The following KCNC2 variants were observed in gnomAD, a reference collection of about 807,000 sequenced individuals.
The protein encoded by KCNC2 is potassium voltage-gated channel subfamily C member 2.
Under a neutral mutation model 44.5 loss-of-function variants are expected in KCNC2, and 21 were observed. That is an observed-to-expected ratio of 0.47 (90% CI 0.33 to 0.68). The LOEUF (loss-of-function observed/expected upper bound fraction) is 0.68, where lower values mean the gene tolerates loss of function less well. Among genes scored for constraint, KCNC2 ranks in the 30% least tolerant of loss-of-function variants. KCNC2 has a pLI of 0.01. For synonymous variants in KCNC2, 391 were observed against 339.1 expected (o/e 1.15, Z -1.68); for missense variants, 589 against 826.2 (o/e 0.71, Z 3.52).
chr12:75,064,578 A>G (rs1252674300), intron 2 of KCNC2, among the ~76,000 whole-genome samples: 1 of 152,028 alleles, frequency 6.6e-6, no homozygotes, highest in East Asian at 1.9e-4. Flanking sequence ...AAAATTGCAT[A>G]CTAATTATTT....
At chr12:75,091,281 C>A (rs1395548272) in intron 2 of KCNC2, among the ~76,000 whole-genome samples, 1 of 151,652 alleles carries the variant, frequency 6.6e-6, no homozygotes, top group South Asian at 2.1e-4. Flanking sequence ...TATTCTTCAA[C>A]TTTTTCTTTT....
intron 2 of KCNC2, among the ~76,000 whole-genome samples, chr12:75,080,004 G>T (rs1178590074): frequency 6.6e-6 from 1 of 152,078 alleles, no homozygotes; most frequent in Non-Finnish European, 1.5e-5. Flanking sequence ...TGACTGAGGG[G>T]GAAGAAGACT....
chr12:75,041,583 G>T lies in KCNC2; in HGVS notation c.*1522C>A. The stretch of plus-strand genomic sequence containing the variant: ...CTCACATGCTCAATACATGAGACAC[G>T]CTATTGCTGTTGAATTCATAGGAAT... On this transcript the variant is annotated 3_prime_UTR_variant, in exon 5 of 5. Transcript: ENST00000549446. 9.5e-7 allele frequency: 1 copy of T among 1,052,432 alleles called. No individual in the cohort carries two copies. The highest frequency in any genetic ancestry group is 1.2e-6 in the Non-Finnish European group (1 of 868,676). 65.2% of individuals were successfully genotyped at this position (1,052,432 alleles called of 1,614,324 possible). A position where few individuals can be genotyped will look rare whatever the true frequency, so the allele number is the denominator to read the frequency against.
chr12:75,152,924 T>G (rs1323011662), intron 2 of KCNC2, among the ~76,000 whole-genome samples: 1 of 151,978 alleles, frequency 6.6e-6, no homozygotes, highest in African/African-American at 2.4e-5. Context: ...AGAGGCGAAT[T>G]ATACAATGAC....
chr12:75,203,705 A>G (rs973944640), intron 2 of KCNC2, among the ~76,000 whole-genome samples: 2 of 151,934 alleles, frequency 1.3e-5, no homozygotes, highest in African/African-American at 4.8e-5. Flanking sequence ...CCAACATTCT[A>G]AAACAGAGCT....
chr12:75,184,786 T>C (rs925820142), intron 2 of KCNC2, among the ~76,000 whole-genome samples: 1 of 152,184 alleles, frequency 6.6e-6, no homozygotes, highest in Non-Finnish European at 1.5e-5. Context: ...GTATGATGCA[T>C]TGACTGAAGA....
chr12:75,087,115 G>A (rs568226854), intron 2 of KCNC2, among the ~76,000 whole-genome samples: 60 of 152,090 alleles, frequency 3.9e-4, no homozygotes, highest in Middle Eastern at 3.4e-3. Flanking sequence ...AACTCTATAT[G>A]AGAAATTCCA....
intron 2 of KCNC2, among the ~76,000 whole-genome samples, chr12:75,148,284 T>C (rs1890159362): frequency 6.6e-6 from 1 of 152,076 alleles, no homozygotes; most frequent in Non-Finnish European, 1.5e-5. Flanking sequence ...AAAGAATAAA[T>C]GACATAACCT....
chr12:75,124,536 A>G (rs2137302943), intron 2 of KCNC2, among the ~76,000 whole-genome samples: 1 of 152,312 alleles, frequency 6.6e-6, no homozygotes. Context: ...GATTCTGCAG[A>G]AATAAGCCAT....
intron 2 of KCNC2, among the ~76,000 whole-genome samples, chr12:75,188,408 C>A (rs2029885043): frequency 6.6e-6 from 1 of 152,008 alleles, no homozygotes; most frequent in Non-Finnish European, 1.5e-5. Flanking sequence ...AATATAAGAT[C>A]CTTATTTAAC....
At chr12:75,088,740 T>A (rs576602746) in intron 2 of KCNC2, among the ~76,000 whole-genome samples, 22 of 152,132 alleles carry the variant, frequency 1.4e-4, no homozygotes, top group African/African-American at 5.3e-4. Flanking sequence ...TCCAATGGTG[T>A]TTTTGCAAGT....
At chr12:75,142,074 C>T (rs1002103367) in intron 2 of KCNC2, among the ~76,000 whole-genome samples, 2 of 152,136 alleles carry the variant, frequency 1.3e-5, no homozygotes, top group African/African-American at 4.8e-5. Flanking sequence ...ACTCTAGAAG[C>T]TGATTACCTA....
intron 2 of KCNC2, among the ~76,000 whole-genome samples, chr12:75,087,882 T>TG (rs1239680069): frequency 6.6e-6 from 1 of 152,058 alleles, no homozygotes; most frequent in Non-Finnish European, 1.5e-5. Context: ...CAGGCTTATG[T>TG]GTTTCAAATG....
At chr12:75,059,962 A>C in intron 2 of KCNC2, among the ~76,000 whole-genome samples, 1 of 152,110 alleles carries the variant, frequency 6.6e-6, no homozygotes, top group East Asian at 1.9e-4. Context: ...CCCAAATGTC[A>C]TCTCCAGCTC....
chr12:75,088,659 C>T (rs1283873093), intron 2 of KCNC2, among the ~76,000 whole-genome samples: 1 of 150,576 alleles, frequency 6.6e-6, no homozygotes, highest in African/African-American at 2.5e-5. Flanking sequence ...CATTGGAAGG[C>T]CTCTTCCCTG....
In KCNC2 at chr12:75,042,219, A is replaced by C; in HGVS notation, c.*886T>G. On this transcript the variant is annotated 3_prime_UTR_variant, in exon 5 of 5. Transcript: ENST00000549446. ...CAAACCCTGGGTATTTTTTTTTTTT[A>C]AAGAGTCTAGAACCAAGCAGCAATT... 1 of 1,293,420 alleles carries C rather than the reference A, an allele frequency of 7.7e-7. No individual in the cohort carries two copies. Among genetic ancestry groups the C allele is most frequent in the Non-Finnish European group, 1.0e-6 (1 of 1,002,388 alleles). 80.1% of individuals were successfully genotyped at this position (1,293,420 alleles called of 1,614,324 possible).
Position 75,207,467 on chromosome 12 carries a change from CG to C in KCNC2, c.516del (p.Asp173ThrfsTer110). ...TCGCCGGGGTCGCCGCCAATGAGGTCGGGGGTCTCGAAGATGTCCAGCGCCT... is the reference window on the plus strand; with the variant it reads ...TCGCCGGGGTCGCCGCCAATGAGGTCGGGGTCTCGAAGATGTCCAGCGCCT... Reference protein sequence around the residue: ...AEEALDIFETPDLIGGDPGDD... With the variant: ...AEEALDIFETXDLIGGDPGDD... On this transcript the variant is annotated frameshift_variant, in exon 2 of 5. Coordinates refer to ENST00000549446, the MANE Select transcript of KCNC2 (RefSeq NM_139137.4). LOFTEE classifies it high-confidence loss of function. The surrounding 1 kb of genome is among the most constrained non-coding windows in gnomAD (Gnocchi z 4.1). 6.2e-7 allele frequency: 1 copy of C among 1,612,124 alleles called. No individual in the cohort carries two copies. The highest frequency in any genetic ancestry group is 8.5e-7 in the Non-Finnish European group (1 of 1,179,620).
chr12:75,093,107 G>A (rs1044437408), intron 2 of KCNC2, among the ~76,000 whole-genome samples: 1 of 150,900 alleles, frequency 6.6e-6, no homozygotes, highest in Non-Finnish European at 1.5e-5. Context: ...AAAGAAACCA[G>A]TGCAGCTATT....
intron 2 of KCNC2, among the ~76,000 whole-genome samples, chr12:75,189,298 C>T (rs1242316491): frequency 6.6e-6 from 1 of 152,168 alleles, no homozygotes; most frequent in African/African-American, 2.4e-5. Context: ...ACCATGGTCA[C>T]GTTCTCTACA....
Sources: gnomAD v4.1 joint callset for allele counts (sites outside exome capture counted in the v4.1 genomes callset) on GRCh38, gnomAD v4.1.1 for gene constraint, Gnocchi (gnomAD v3.1) non-coding constraint, MANE v1.5 for transcripts, NCBI Gene and HGNC (gene_info 2026-07-23, HGNC 2026-07-21) for gene names.